The following PDHX variants were observed in gnomAD, a reference collection of about 807,000 sequenced individuals.
PDHX encodes the protein pyruvate dehydrogenase protein X component, mitochondrial.
Under a neutral mutation model 55.3 loss-of-function variants are expected in PDHX, and 33 were observed. The observed-to-expected ratio is 0.60, with a 90% confidence interval of 0.45 to 0.80. PDHX has a LOEUF of 0.80. Among genes scored for constraint, PDHX ranks in the 30% least tolerant of loss-of-function variants. The pLI, the probability that PDHX is intolerant of heterozygous loss-of-function variation, is 0.00. For missense variants in PDHX, 622 were observed against 619.9 expected, an observed-to-expected ratio of 1.00 and a Z score of -0.04; for synonymous variants, 226 against 219.4, an observed-to-expected ratio of 1.03 and a Z score of -0.27.
intron 4 of PDHX, among the ~76,000 whole-genome samples, chr11:34,959,555 AAATTACC>A (rs1854977668): frequency 6.6e-6 from 1 of 151,926 alleles, no homozygotes; most frequent in Admixed American, 6.6e-5. Flanking sequence ...TAGAAAATTA[AAATTACC>A]ATATCATCTA....
At chr11:34,922,762 C>T (rs1853916858) in intron 1 of PDHX, among the ~76,000 whole-genome samples, 1 of 151,360 alleles carries the variant, frequency 6.6e-6, no homozygotes. Context: ...CTTCTCCTAT[C>T]TGTAAATTTC....
intron 2 of PDHX, among the ~76,000 whole-genome samples, chr11:34,935,203 G>C (rs748451313): frequency 6.6e-6 from 1 of 151,772 alleles, no homozygotes; most frequent in African/African-American, 2.4e-5. Flanking sequence ...TTTAAAGGTT[G>C]TGCATAGTGC....
chr11:34,978,163 C>T lies in PDHX; in HGVS notation c.1004C>T (p.Ala335Val), dbSNP rs150518427. Residue 335 changes from alanine (A) to valine (V), a missense_variant, in exon 8 of 11, where the codon GCA becomes GTA. Coordinates refer to ENST00000227868, the MANE Select transcript of PDHX (RefSeq NM_003477.3). ...TCAGTAAATGATTTTATCATCAAGGCAGCAGCTGTTACCCTTAAAGTAAGT... is the reference window on the plus strand; with the variant it reads ...TCAGTAAATGATTTTATCATCAAGGTAGCAGCTGTTACCCTTAAAGTAAGT... The part of the protein sequence containing the change: ...KVSVNDFIIK[A>V]AAVTLKQMPD... The T allele has an allele frequency of 1.3e-6, 2 of 1,572,956 alleles. No individual in the cohort carries two copies. The highest frequency in any genetic ancestry group is 1.8e-6 in the Non-Finnish European group (2 of 1,142,708).
intron 4 of PDHX, 87 bp downstream of exon 4, chr11:34,957,670 A>G: frequency 9.7e-7 from 1 of 1,029,154 alleles, no homozygotes. Context: ...ATATTCGCAC[A>G]TCGTTGTACA....
intron 1 of PDHX, among the ~76,000 whole-genome samples, chr11:34,925,644 A>G (rs1854000034): frequency 6.6e-6 from 1 of 152,228 alleles, no homozygotes; most frequent in African/African-American, 2.4e-5. Context: ...TAGTAATATC[A>G]CTAGCTAGAA....
chr11:34,972,262 T>C (rs1855272957), intron 7 of PDHX, among the ~76,000 whole-genome samples: 1 of 152,130 alleles, frequency 6.6e-6, no homozygotes, highest in African/African-American at 2.4e-5. Context: ...TTCAGTTTAC[T>C]TTGCTCTTTT....
chr11:34,963,759 C>T (rs984494767), intron 5 of PDHX, among the ~76,000 whole-genome samples: 1 of 152,202 alleles, frequency 6.6e-6, no homozygotes, highest in Non-Finnish European at 1.5e-5. Flanking sequence ...GCTCAGAATA[C>T]ATGTTGTACC....
chr11:34,942,633 T>G (rs375976239), intron 2 of PDHX, among the ~76,000 whole-genome samples: 43 of 152,348 alleles, frequency 2.8e-4, no homozygotes, highest in South Asian at 4.1e-4. Context: ...TGGCTCATTA[T>G]TTGCTCTCAG....
chr11:34,936,142 C>A (rs1217092499), intron 2 of PDHX, among the ~76,000 whole-genome samples: 1 of 152,080 alleles, frequency 6.6e-6, no homozygotes, highest in Non-Finnish European at 1.5e-5. Context: ...ACAAGCAAGG[C>A]CTCACTTCTT....
At chr11:34,981,450 A>G (rs1025066432) in intron 8 of PDHX, among the ~76,000 whole-genome samples, 33 of 152,238 alleles carry the variant, frequency 2.2e-4, no homozygotes, top group Middle Eastern at 3.4e-3. Context: ...GAATAGTGCC[A>G]CAATAAACAT....
chr11:34,989,726 G>T (rs1299946972), intron 9 of PDHX, among the ~76,000 whole-genome samples: 1 of 152,048 alleles, frequency 6.6e-6, no homozygotes, highest in Non-Finnish European at 1.5e-5. Context: ...AGCTGAAATA[G>T]TTTCCTAACA....
At chr11:34,994,301 G>T (rs868711901) in intron 10 of PDHX, among the ~76,000 whole-genome samples, 1 of 152,106 alleles carries the variant, frequency 6.6e-6, no homozygotes, top group Middle Eastern at 3.4e-3. Flanking sequence ...TGAGTATTTG[G>T]GTATCTAAAC....
At chr11:34,927,651 G>T (rs17349298) in intron 1 of PDHX, among the ~76,000 whole-genome samples, 33,740 of 151,870 alleles carry the variant, frequency 0.22, 4,917 homozygotes, top group Non-Finnish European at 0.34. Context: ...ATCAAAAGAG[G>T]GTATGCTAGA....
intron 8 of PDHX, among the ~76,000 whole-genome samples, chr11:34,983,267 C>T (rs183118281): frequency 1.3e-5 from 2 of 152,200 alleles, no homozygotes; most frequent in East Asian, 1.9e-4. Context: ...ATTGATGGGA[C>T]GTATCTCAAA....
chr11:34,994,810 T>C, intron 10 of PDHX, 104 bp from the exon 11 acceptor site: 1 of 1,240,956 alleles, frequency 8.1e-7, no homozygotes. Flanking sequence ...ATTTTTTTCT[T>C]GCCTTACTAC....
At chr11:34,953,578 A>G (rs1038814484) in intron 3 of PDHX, among the ~76,000 whole-genome samples, 2 of 152,198 alleles carry the variant, frequency 1.3e-5, no homozygotes, top group Admixed American at 6.5e-5. Flanking sequence ...TGTTACATCC[A>G]CTTTATACCT....
At chr11:34,954,882 A>C (rs1036936850) in intron 3 of PDHX, among the ~76,000 whole-genome samples, 3 of 152,204 alleles carry the variant, frequency 2.0e-5, no homozygotes. Flanking sequence ...TGGTGAGATA[A>C]GGAAACTTTA....
At chr11:34,959,546 A>G (rs1565160830) in intron 4 of PDHX, among the ~76,000 whole-genome samples, 1 of 151,990 alleles carries the variant, frequency 6.6e-6, no homozygotes, top group South Asian at 2.1e-4. Context: ...GCAGTTTCTT[A>G]GAAAATTAAA....
At chr11:34,916,432 T>A (rs868532786), upstream of PDHX, 19 of 1,483,404 alleles carry the variant, frequency 1.3e-5, no homozygotes, top group African/African-American at 7.1e-5. Context: ...GGGGCCGGGG[T>A]CTGGTAAGGC....
Sources: gnomAD v4.1 joint callset for allele counts (sites outside exome capture counted in the v4.1 genomes callset) on GRCh38, gnomAD v4.1.1 for gene constraint, MANE v1.5 for transcripts, NCBI Gene and HGNC (gene_info 2026-07-23, HGNC 2026-07-21) for gene names.